The following LRFN5 variants were observed in gnomAD, a reference collection of about 807,000 sequenced individuals.
LRFN5 encodes the protein leucine rich repeat and fibronectin type III domain containing 5.
In LRFN5, 24 loss-of-function variants were observed where a neutral mutation model predicts 45.6. The observed-to-expected ratio is 0.53, with a 90% confidence interval of 0.38 to 0.74. LRFN5 has a LOEUF of 0.74. LRFN5 is among the 30% of genes least tolerant of loss of function. The pLI, the probability that LRFN5 is intolerant of heterozygous loss-of-function variation, is 0.00. For missense variants in LRFN5, 776 were observed against 861.5 expected (o/e 0.90, Z 1.24); for synonymous variants, 340 against 313.8 (o/e 1.08, Z -0.88).
At chr14:41,771,222 C>T (rs1328362145) in intron 2 of LRFN5, among the ~76,000 whole-genome samples, 1 of 150,436 alleles carries the variant, frequency 6.6e-6, no homozygotes, top group Non-Finnish European at 1.5e-5. Context: ...CGCCCAGAGG[C>T]CCAGGAGAAT....
chr14:41,660,198 G>A (rs1305108147), intron 1 of LRFN5, among the ~76,000 whole-genome samples: 1 of 151,854 alleles, frequency 6.6e-6, no homozygotes, highest in East Asian at 1.9e-4. Context: ...GATAATTTTT[G>A]TATTTTTAAT....
At chr14:41,829,025 C>T (rs1042388791) in intron 2 of LRFN5, among the ~76,000 whole-genome samples, 10 of 151,926 alleles carry the variant, frequency 6.6e-5, no homozygotes, top group African/African-American at 2.4e-4. Flanking sequence ...TATGACTTAA[C>T]CATTACTCAT....
At chr14:41,799,555 G>A (rs1174371567) in intron 2 of LRFN5, among the ~76,000 whole-genome samples, 2 of 151,758 alleles carry the variant, frequency 1.3e-5, no homozygotes, top group Non-Finnish European at 2.9e-5. Context: ...TCTTCTACAA[G>A]TTCTACAAAT....
At chr14:41,704,376 G>C (rs1265462533) in intron 1 of LRFN5, among the ~76,000 whole-genome samples, 2 of 148,546 alleles carry the variant, frequency 1.3e-5, no homozygotes, top group Admixed American at 1.3e-4. Flanking sequence ...GTGAGAATTT[G>C]ACCTCCATTT....
intron 2 of LRFN5, among the ~76,000 whole-genome samples, chr14:41,850,239 GAT>G (rs1194618619): frequency 6.6e-6 from 1 of 151,850 alleles, no homozygotes; most frequent in Non-Finnish European, 1.5e-5. Flanking sequence ...GTACTTACAT[GAT>G]ATATGTCTGA....
At chr14:41,728,600 A>C (rs1884034878) in intron 1 of LRFN5, among the ~76,000 whole-genome samples, 1 of 152,186 alleles carries the variant, frequency 6.6e-6, no homozygotes, top group Non-Finnish European at 1.5e-5. Flanking sequence ...TTCTTTTGTA[A>C]TTAAGATTAG....
intron 1 of LRFN5, among the ~76,000 whole-genome samples, chr14:41,651,316 C>T (rs138072472): frequency 8.5e-4 from 129 of 152,190 alleles, no homozygotes; most frequent in Middle Eastern, 6.8e-3. Context: ...AGTTCTCTAA[C>T]TCTGGAGTTT....
intron 1 of LRFN5, among the ~76,000 whole-genome samples, chr14:41,670,186 A>G (rs144733154): frequency 7.9e-6 from 1 of 126,142 alleles, no homozygotes; most frequent in East Asian, 2.8e-4. Context: ...CACATTCTCT[A>G]TATATATATA....
At chr14:41,678,792 A>T (rs573990251) in intron 1 of LRFN5, among the ~76,000 whole-genome samples, 1 of 152,192 alleles carries the variant, frequency 6.6e-6, no homozygotes, top group African/African-American at 2.4e-5. Flanking sequence ...ACCAAAAATC[A>T]TATGAGCAGT....
intron 1 of LRFN5, among the ~76,000 whole-genome samples, chr14:41,661,067 G>A (rs1318285765): frequency 6.7e-6 from 1 of 150,166 alleles, no homozygotes; most frequent in Non-Finnish European, 1.5e-5. Flanking sequence ...TGGGTCAGAA[G>A]CAAATTTACT....
chr14:41,814,780 C>A (rs539656255), intron 2 of LRFN5, among the ~76,000 whole-genome samples: 9 of 152,000 alleles, frequency 5.9e-5, no homozygotes, highest in African/African-American at 2.2e-4. Flanking sequence ...GACAAATGGA[C>A]AAATTGGACG....
At chr14:41,659,225 C>G (rs1880518032) in intron 1 of LRFN5, among the ~76,000 whole-genome samples, 1 of 151,966 alleles carries the variant, frequency 6.6e-6, no homozygotes, top group Non-Finnish European at 1.5e-5. Flanking sequence ...CAACAGGCCC[C>G]AGTGTGTGAT....
intron 5 of LRFN5, among the ~76,000 whole-genome samples, chr14:41,899,919 G>A (rs954127111): frequency 2.6e-5 from 4 of 152,046 alleles, no homozygotes; most frequent in Non-Finnish European, 5.9e-5. Flanking sequence ...ACAATGTCTG[G>A]CACATGTTTG....
intron 1 of LRFN5, among the ~76,000 whole-genome samples, chr14:41,653,747 G>A (rs933567333): frequency 6.6e-6 from 1 of 152,100 alleles, no homozygotes; most frequent in Non-Finnish European, 1.5e-5. Flanking sequence ...GTAGACCACT[G>A]AAATTGCTTC....
intron 1 of LRFN5, among the ~76,000 whole-genome samples, chr14:41,710,364 A>T (rs1883231254): frequency 6.6e-6 from 1 of 152,160 alleles, no homozygotes; most frequent in Non-Finnish European, 1.5e-5. Context: ...CTTCAGGAAT[A>T]AGTTTTTAAA....
At chr14:41,857,038 T>C (rs2139089107) in intron 2 of LRFN5, among the ~76,000 whole-genome samples, 1 of 152,272 alleles carries the variant, frequency 6.6e-6, no homozygotes, top group East Asian at 1.9e-4. Flanking sequence ...TTTTAAGTGT[T>C]GTTTTATTTT....
chr14:41,870,977 TTATCAGTACA>T (rs1890000250), intron 2 of LRFN5, among the ~76,000 whole-genome samples: 1 of 152,098 alleles, frequency 6.6e-6, no homozygotes, highest in Admixed American at 6.6e-5. Flanking sequence ...AAATACTAGA[TTATCAGTACA>T]TATTAGGTTG....
chr14:41,744,904 G>A (rs902903956), intron 1 of LRFN5, among the ~76,000 whole-genome samples: 1 of 152,058 alleles, frequency 6.6e-6, no homozygotes, highest in African/African-American at 2.4e-5. Context: ...AGTAAAAACT[G>A]ATGGAATTGA....
intron 1 of LRFN5, among the ~76,000 whole-genome samples, chr14:41,625,001 A>G (rs1036943717): frequency 1.3e-5 from 2 of 152,100 alleles, no homozygotes; most frequent in African/African-American, 4.8e-5. Flanking sequence ...TTAATTTTTA[A>G]TGAAGCAGCT....
Sources: allele counts gnomAD v4.1 joint callset (sites outside exome capture counted in the v4.1 genomes callset), GRCh38; gene constraint gnomAD v4.1.1; transcripts MANE v1.5; gene names NCBI Gene and HGNC (gene_info 2026-07-23, HGNC 2026-07-21).